Variants in FAP observed in about 807,000 individuals in gnomAD.
FAP encodes the protein fibroblast activation protein alpha.
Under a neutral mutation model 126.5 loss-of-function variants are expected in FAP, and 110 were observed. The ratio of observed to expected loss-of-function variants is 0.87; its 90% confidence interval spans 0.74 to 1.02. The LOEUF (loss-of-function observed/expected upper bound fraction) is 1.02. FAP is among the 50% of genes least tolerant of loss of function. FAP has a pLI of 0.00. For synonymous variants in FAP, 334 were observed against 297.3 expected, an observed-to-expected ratio of 1.12 and a Z score of -1.27; for missense variants, 919 against 909.2, an observed-to-expected ratio of 1.01 and a Z score of -0.14.
chr2:162,216,187 T>C (rs957746099), intron 9 of FAP, among the ~76,000 whole-genome samples, 186 bp from the exon 10 acceptor site: 8 of 152,192 alleles, frequency 5.3e-5, no homozygotes, highest in Non-Finnish European at 1.2e-4. Flanking sequence ...CAATTACAAA[T>C]GTTGTGTCAA....
At chr2:162,230,286 C>T (rs1045333618) in intron 2 of FAP, among the ~76,000 whole-genome samples, 1 of 152,130 alleles carries the variant, frequency 6.6e-6, no homozygotes, top group Non-Finnish European at 1.5e-5. Context: ...ATAAAGATTA[C>T]TTAGAATTTT....
intron 6 of FAP, among the ~76,000 whole-genome samples, chr2:162,223,354 C>G (rs1286570810): frequency 6.6e-6 from 1 of 151,866 alleles, no homozygotes; most frequent in African/African-American, 2.4e-5. Flanking sequence ...TTAATCTGAT[C>G]TTCAAAAACA....
At chr2:162,200,503 T>C (rs2106244456) in intron 15 of FAP, 63 bp downstream of exon 15, 1 of 887,774 alleles carries the variant, frequency 1.1e-6, no homozygotes, top group African/African-American at 1.7e-5. Context: ...CTCCTGGGGA[T>C]GATGACTTTT....
rs1687429528 is a variant in FAP at position 162,174,808 on chromosome 2, G to A, written c.1969+59C>T. ...ATAATCCATTTTTCTAGCAACATCA[G>A]ATATAGAGTAATTACGTGTTAAATG... On this transcript the variant is annotated intron_variant, in intron 22 of 25. Coordinates refer to ENST00000188790, the MANE Select transcript of FAP (RefSeq NM_004460.5). 6 of 1,191,420 alleles carry A rather than the reference G, an allele frequency of 5.0e-6. 1 individual carries two copies. Among genetic ancestry groups the A allele is most frequent in the Non-Finnish European group, 7.5e-6 (6 of 802,162 alleles). 73.8% of individuals were successfully genotyped at this position (1,191,420 alleles called of 1,614,324 possible). A position where few individuals can be genotyped will look rare whatever the true frequency, so the allele number is the denominator to read the frequency against.
intron 21 of FAP, among the ~76,000 whole-genome samples, chr2:162,179,157 G>A (rs1687595562): frequency 6.6e-6 from 1 of 151,250 alleles, no homozygotes; most frequent in Non-Finnish European, 1.5e-5. Flanking sequence ...AGAAAACATT[G>A]TCAATATGTG....
intron 21 of FAP, among the ~76,000 whole-genome samples, chr2:162,179,840 G>A (rs1210680733): frequency 1.5e-5 from 2 of 132,708 alleles, no homozygotes; most frequent in South Asian, 2.3e-4. Context: ...ATGGAGTCTC[G>A]CTCTGTTGCC....
chr2:162,230,393 T>C (rs1689850593), intron 2 of FAP, among the ~76,000 whole-genome samples: 1 of 152,176 alleles, frequency 6.6e-6, no homozygotes. Flanking sequence ...TCTATATTTA[T>C]GTGGCAAAGA....
intron 2 of FAP, among the ~76,000 whole-genome samples, chr2:162,229,559 A>G (rs977958391): frequency 2.0e-5 from 3 of 152,184 alleles, no homozygotes; most frequent in Non-Finnish European, 4.4e-5. Context: ...CATAAGTGCA[A>G]TTTGTACTAA....
intron 20 of FAP, among the ~76,000 whole-genome samples, chr2:162,184,463 G>A (rs1352307298): frequency 6.6e-6 from 1 of 152,204 alleles, no homozygotes; most frequent in Non-Finnish European, 1.5e-5. Flanking sequence ...TTCTTAAAGG[G>A]ATTTCACAGC....
intron 21 of FAP, among the ~76,000 whole-genome samples, chr2:162,180,489 C>G (rs868080374): frequency 3.9e-5 from 6 of 152,188 alleles, no homozygotes; most frequent in Middle Eastern, 6.8e-3. Flanking sequence ...AACAAGCTCT[C>G]CAGGTGATGT....
intron 17 of FAP, among the ~76,000 whole-genome samples, chr2:162,191,291 T>C: frequency 6.6e-6 from 1 of 152,142 alleles, no homozygotes; most frequent in East Asian, 1.9e-4. Flanking sequence ...CTTAATGAAA[T>C]GCAAAATTTA....
intron 9 of FAP, among the ~76,000 whole-genome samples, chr2:162,216,383 G>T (rs1010619318): frequency 6.6e-6 from 1 of 152,100 alleles, no homozygotes; most frequent in Admixed American, 6.5e-5. Flanking sequence ...GAGTTCAGAG[G>T]GTGATTAATT....
At chr2:162,183,129 C>T (rs904885374) in intron 21 of FAP, among the ~76,000 whole-genome samples, 11 of 151,724 alleles carry the variant, frequency 7.3e-5, no homozygotes, top group South Asian at 2.1e-4. Context: ...CACCCTCTGA[C>T]GGATATGGTT....
At chr2:162,194,903 TTC>T in intron 16 of FAP, 155 bp from the exon 17 acceptor site, 1 of 683,968 alleles carries the variant, frequency 1.5e-6, no homozygotes, top group East Asian at 2.7e-5. Context: ...AAAACATCAC[TTC>T]TAAGTCACAT....
At chr2:162,222,639 G>T (rs1689456788) in intron 6 of FAP, among the ~76,000 whole-genome samples, 1 of 152,072 alleles carries the variant, frequency 6.6e-6, no homozygotes, top group African/African-American at 2.4e-5. Context: ...AGTAGCTAAG[G>T]CAATTCATTG....
At chr2:162,183,798 G>A (rs753436330) in intron 20 of FAP, among the ~76,000 whole-genome samples, 5 of 152,142 alleles carry the variant, frequency 3.3e-5, no homozygotes, top group Non-Finnish European at 7.4e-5. Context: ...AGTAGCAGCA[G>A]CATTGAGCAG....
In FAP at chr2:162,200,570, A is replaced by G. The variant is rs1207196784; in HGVS notation, c.1273T>C (p.Tyr425His). The G allele has an allele frequency of 2.0e-6, 3 of 1,477,822 alleles. No homozygotes were observed. The East Asian group carries it at 6.9e-5, about 34-fold the overall frequency. The allele number at this position is 1,477,822 out of a possible 1,614,324, so 91.5% of individuals were successfully genotyped here. Residue 425 changes from tyrosine (Y) to histidine (H), a missense_variant, in exon 15 of 26, where the codon TAC becomes CAC. Coordinates refer to ENST00000188790, the MANE Select transcript of FAP (RefSeq NM_004460.5). ...FEEYPGRRNI[Y>H]RISIGSYPPS... ...GAATGAATGGACATAAATTACCTGT[A>G]GATGTTTCTTCTTCCAGGGTATTCT...
chr2:162,209,080 T>G (rs1473350583), intron 12 of FAP, among the ~76,000 whole-genome samples: 1 of 152,022 alleles, frequency 6.6e-6, no homozygotes, highest in South Asian at 2.1e-4. Flanking sequence ...CCCAGCCAAT[T>G]TGAGTTTAAA....
At chr2:162,200,419 C>CTGATGTAGTATAT in intron 15 of FAP, 147 bp downstream of exon 15, 1 of 561,608 alleles carries the variant, frequency 1.8e-6, no homozygotes, top group East Asian at 3.2e-5. Context: ...GTTTTTTATA[C>CTGATGTAGTATAT]CCATTCTCCA....
Sources: gnomAD v4.1 joint callset for allele counts (sites outside exome capture counted in the v4.1 genomes callset) on GRCh38, gnomAD v4.1.1 for gene constraint, MANE v1.5 for transcripts, NCBI Gene and HGNC (gene_info 2026-07-23, HGNC 2026-07-21) for gene names.